DUSP15: variants seen among roughly 807,000 people sequenced by gnomAD.
The protein encoded by DUSP15 is dual specificity protein phosphatase 15.
A neutral mutation model predicts 26.3 loss-of-function variants in DUSP15; 23 were observed. The ratio of observed to expected loss-of-function variants is 0.87; its 90% CI spans 0.63 to 1.24. The LOEUF (loss-of-function observed/expected upper bound fraction) is 1.24. DUSP15 is among the 50% of genes most tolerant of loss of function. DUSP15 has a pLI of 0.00. For missense variants in DUSP15, 364 were observed against 320.6 expected, an observed-to-expected ratio of 1.14 and a Z score of -1.03; for synonymous variants, 143 against 135.5, an observed-to-expected ratio of 1.06 and a Z score of -0.39.
At chr20:31,848,387 C>A in exon 10 of DUSP15, 1 of 1,608,232 alleles carries the variant, frequency 6.2e-7, no homozygotes, top group Non-Finnish European at 8.5e-7. Flanking sequence ...AGGGAGCCCC[C>A]CTGTTGGGGG....
chr20:31,853,026 G>A (rs987939353), intron 6 of DUSP15, among the ~76,000 whole-genome samples: 1 of 152,148 alleles, frequency 6.6e-6, no homozygotes, highest in Non-Finnish European at 1.5e-5. Flanking sequence ...GAATAGCTAG[G>A]GCACTGGGCC....
intron 7 of DUSP15, chr20:31,849,919 A>G (rs770552894): frequency 1.5e-5 from 21 of 1,432,978 alleles, no homozygotes; most frequent in Non-Finnish European, 9.1e-7. Context: ...GGGCGGCGCT[A>G]GCTCCCCTCG....
chr20:31,855,441 A>G (rs2062544917), intron 6 of DUSP15, among the ~76,000 whole-genome samples: 1 of 152,120 alleles, frequency 6.6e-6, no homozygotes, highest in African/African-American at 2.4e-5. Flanking sequence ...GGGAAAGAGC[A>G]AGAGAAATTA....
chr20:31,848,373 G>C (rs1175597269), exon 10 of DUSP15: 22 of 1,571,436 alleles, frequency 1.4e-5, no homozygotes, highest in Non-Finnish European at 1.9e-5. Context: ...GGTTGGGTGG[G>C]AGTAGGGAGC....
In DUSP15 at chr20:31,861,433, G is replaced by C. The variant is rs1190630495; in HGVS notation, c.678C>G (p.Pro226=). 1 of 1,560,994 alleles carries C rather than the reference G, an allele frequency of 6.4e-7. No homozygotes were observed. Among genetic ancestry groups the C allele is most frequent in the South Asian group, 1.2e-5 (1 of 85,196 alleles). ...ARVKQTFSCL[P]RCLSRKGGK The stretch of plus-strand genomic sequence containing the variant: ...TGCCGCCCTTGCGGGACAGACACCG[G>C]GGGAGGCAAGAGAAAGTCTGCTTGA... The change falls in exon 7 of 7, where the codon CCC becomes CCG. Residue 226 remains proline, a synonymous_variant. Transcript: ENST00000339738.
Position 31,864,979 on chromosome 20 carries a change from C to A in DUSP15, c.162G>T (p.Pro54=), listed in dbSNP as rs4911536. ...TGGGTACCTCAGGGGTATCAGCGACCGGGATGCGAAGGTAGGTGATATCCT... is the reference window on the plus strand; with the variant it reads ...TGGGTACCTCAGGGGTATCAGCGACAGGGATGCGAAGGTAGGTGATATCCT... ...LLQDITYLRI[P]VADTPEVPIK... Residue 54 remains proline (P), a synonymous_variant, in exon 4 of 7, where the codon CCG becomes CCT. Coordinates refer to ENST00000339738, the MANE Select transcript of DUSP15 (RefSeq NM_080611.5). 1.9e-6 allele frequency: 3 copies of A among 1,613,738 alleles called. No individual in the cohort carries two copies. In the East Asian group the frequency reaches 6.7e-5, roughly 36 times the overall value.
At chr20:31,868,971 C>G (rs139325419) in intron 2 of DUSP15, among the ~76,000 whole-genome samples, 18 of 152,326 alleles carry the variant, frequency 1.2e-4, no homozygotes, top group South Asian at 2.1e-4. Flanking sequence ...CACCGCCCCC[C>G]CAACTTCCAG....
At chr20:31,849,785 C>A in exon 8 of DUSP15, 4 of 1,540,112 alleles carry the variant, frequency 2.6e-6, no homozygotes, top group Non-Finnish European at 3.5e-6. Context: ...GGCGGCCGCC[C>A]GCGGACTCAG....
In DUSP15 at chr20:31,870,453, C is replaced by A; in HGVS notation, c.-116G>T. 7.8e-7 allele frequency: 1 copy of A among 1,285,884 alleles called. No homozygotes were observed. Among genetic ancestry groups the A allele is most frequent in the Non-Finnish European group, 9.8e-7 (1 of 1,020,930 alleles). 79.7% of individuals were successfully genotyped at this position (1,285,884 alleles called of 1,614,324 possible). Reference sequence around the variant, plus strand: ...CTGCAGCCTGGCGGGGAACGGGGGGCCTGGCGTCCGCGGCCCTGCCCAGCC... The same window carrying A: ...CTGCAGCCTGGCGGGGAACGGGGGGACTGGCGTCCGCGGCCCTGCCCAGCC... On this transcript the variant is annotated 5_prime_UTR_variant, in exon 1 of 7. Transcript: ENST00000339738. The surrounding 1 kb of genome is among the most constrained non-coding windows in gnomAD (Gnocchi z 6.6).
At chr20:31,862,856 A>C in intron 5 of DUSP15, 114 bp from the exon 6 acceptor site, 1 of 1,139,784 alleles carries the variant, frequency 8.8e-7, no homozygotes, top group Non-Finnish European at 1.2e-6. Context: ...TCCAACCATA[A>C]GGGACCTGTC....
chr20:31,867,036 C>A (rs1280795380), intron 3 of DUSP15, 35 bp downstream of exon 3: 1 of 1,537,882 alleles, frequency 6.5e-7, no homozygotes, highest in Non-Finnish European at 8.8e-7. Flanking sequence ...CACCCTCCCA[C>A]CCCCGCATAG....
rs145115468 is a variant in DUSP15 at position 31,862,686 on chromosome 20, G to A, written c.320C>T (p.Thr107Met). The change falls in exon 6 of 7, where the codon ACG becomes ATG. Residue 107 changes from threonine (T) to methionine (M), a missense_variant. Transcript: ENST00000339738. ...AAGCACGTCCCGCCAGCCTAGCCCC[G>A]TCACAGTCATCACATACGCTGTCAC... ...TIVTAYVMTV[T>M]GLGWRDVLEA... 1.3e-4 allele frequency: 215 copies of A among 1,614,006 alleles called. 1 individual carries two copies. Among genetic ancestry groups the A allele is most frequent in the South Asian group, 8.9e-4 (81 of 91,076 alleles).
chr20:31,870,040 G>T lies in DUSP15; in HGVS notation c.21+277C>A. The T allele has an allele frequency of 7.7e-7, 1 of 1,300,338 alleles. No homozygotes were observed. The allele number at this position is 1,300,338 out of a possible 1,614,324, so 80.6% of individuals were successfully genotyped here. On this transcript the variant is annotated intron_variant, in intron 1 of 6. Coordinates refer to ENST00000339738, the MANE Select transcript of DUSP15 (RefSeq NM_080611.5). This position sits in a 1 kb window ranked among gnomAD's most constrained non-coding sequence, Gnocchi z 6.6. ...GAGGGACACATGCAGACGGAGAGCA[G>T]GACTCACTGGGAGACAGCCTGGGAG...
At chr20:31,852,093 C>T (rs939162348) in intron 6 of DUSP15, among the ~76,000 whole-genome samples, 1 of 151,510 alleles carries the variant, frequency 6.6e-6, no homozygotes, top group Non-Finnish European at 1.5e-5. Context: ...CTGCAACCTC[C>T]ACCTCCTGGG....
rs1387695439 is a variant in DUSP15 at position 31,867,088 on chromosome 20, G to T, written c.121C>A (p.Pro41Thr). Residue 41 changes from proline (P) to threonine (T), a missense_variant, in exon 3 of 7, where the codon CCC (proline) becomes ACC (threonine). By Grantham distance (38) the Pro-to-Thr change is conservative (BLOSUM62 -1). Transcript: ENST00000339738. ...ITHIISIHES[P>T]QPLLQDITYL... is the part of the protein sequence containing the mutation. Reference sequence around the variant, plus strand: ...AGAAGTACCTGCAGCAGAGGCTGGGGTGACTCATGGATAGAGATGATGTGT... The same window carrying T: ...AGAAGTACCTGCAGCAGAGGCTGGGTTGACTCATGGATAGAGATGATGTGT... 6.3e-7 allele frequency: 1 copy of T among 1,587,936 alleles called. No homozygotes were observed. Among genetic ancestry groups the T allele is most frequent in the South Asian group, 1.2e-5 (1 of 86,892 alleles).
At chr20:31,860,416 G>A (rs2062624977), downstream of DUSP15, among the ~76,000 whole-genome samples, 1 of 152,230 alleles carries the variant, frequency 6.6e-6, no homozygotes, top group South Asian at 2.1e-4. Context: ...CTCATCCTCA[G>A]AGCCAGCTAC....
intron 7 of DUSP15, among the ~76,000 whole-genome samples, chr20:31,850,157 T>C (rs1253968432): frequency 8.5e-5 from 13 of 152,232 alleles, no homozygotes; most frequent in Admixed American, 3.9e-4. Flanking sequence ...TCTGGGATTC[T>C]AGGAGCTTCC....
downstream of DUSP15, among the ~76,000 whole-genome samples, chr20:31,846,281 GAC>G (rs10580818): frequency 0.32 from 46,891 of 144,830 alleles, 9,416 homozygotes; most frequent in African/African-American, 0.59. Context: ...GAAACACAGA[GAC>G]ACAGACACAG....
At chr20:31,849,989 G>A in intron 7 of DUSP15, 1 of 1,277,526 alleles carries the variant, frequency 7.8e-7, no homozygotes, top group South Asian at 1.6e-5. Context: ...CCTCTACCTC[G>A]GAAATTTTGG....
Sources: gnomAD v4.1 joint callset for allele counts (sites outside exome capture counted in the v4.1 genomes callset) on GRCh38, gnomAD v4.1.1 for gene constraint, Gnocchi (gnomAD v3.1) non-coding constraint, MANE v1.5 for transcripts, NCBI Gene and HGNC (gene_info 2026-07-23, HGNC 2026-07-21) for gene names.